Variants in KIAA1217 observed in about 807,000 individuals in gnomAD.
The protein encoded by KIAA1217 is sickle tail protein homolog.
Under a neutral mutation model 163.9 loss-of-function variants are expected in KIAA1217, and 88 were observed. The ratio of observed to expected loss-of-function variants is 0.54; its 90% CI spans 0.45 to 0.64. The LOEUF is 0.64. Among genes scored for constraint, KIAA1217 ranks in the 30% least tolerant of loss-of-function variants. KIAA1217 has a pLI of 0.00. For synonymous variants in KIAA1217, 903 were observed against 923.1 expected, an observed-to-expected ratio of 0.98 and a Z score of 0.39; for missense variants, 2,372 against 2,475.0, an observed-to-expected ratio of 0.96 and a Z score of 0.88.
At position 24,521,262 on chromosome 10, in the gene KIAA1217, G is replaced by A. The variant is rs150547900; in HGVS notation, c.2309-520G>A. ...GGAGAATTACTTGAACCCAGGAGGC[G>A]GAGGTTACAGTAAGCCAAGATCATG... On this transcript the variant is annotated intron_variant, in intron 11 of 20. Transcript: ENST00000376454. Among the ~76,000 whole-genome samples, 703 of 151,664 alleles carry A rather than the reference G, an allele frequency of 4.6e-3. 4 individuals carry two copies. Among genetic ancestry groups the A allele is most frequent in the African/African-American group, 0.015 (636 of 41,322 alleles).
At chr10:24,438,310 T>C in intron 4 of KIAA1217, 76 bp from the exon 5 acceptor site, 2 of 977,908 alleles carry the variant, frequency 2.0e-6, no homozygotes, top group South Asian at 1.3e-5. Flanking sequence ...TTACCTGATC[T>C]TTAAGGGCAG....
chr10:23,992,144 A>C (rs944729165), intron 1 of KIAA1217, among the ~76,000 whole-genome samples: 1 of 152,206 alleles, frequency 6.6e-6, no homozygotes, highest in South Asian at 2.1e-4. Context: ...AGACAACTAG[A>C]GTGCTTTGGA....
At chr10:23,859,955 G>T (rs561969907) in intron 1 of KIAA1217, among the ~76,000 whole-genome samples, 2 of 152,044 alleles carry the variant, frequency 1.3e-5, no homozygotes, top group South Asian at 2.1e-4. Context: ...TTTCAAAGGT[G>T]TATGCACTCC....
chr10:24,061,583 A>T (rs917723674), intron 2 of KIAA1217, among the ~76,000 whole-genome samples: 4 of 152,200 alleles, frequency 2.6e-5, no homozygotes, highest in Non-Finnish European at 4.4e-5. Flanking sequence ...AAGCGGTGAT[A>T]AACTCTCAGC....
chr10:23,805,358 C>T (rs760849301), intron 1 of KIAA1217, among the ~76,000 whole-genome samples: 45 of 152,102 alleles, frequency 3.0e-4, no homozygotes, highest in Admixed American at 2.6e-4. Flanking sequence ...AAAAAGAATA[C>T]GATCATGTCC....
At chr10:24,381,302 A>T (rs1006051977) in intron 3 of KIAA1217, among the ~76,000 whole-genome samples, 8 of 152,188 alleles carry the variant, frequency 5.3e-5, no homozygotes, top group Non-Finnish European at 1.5e-5. Flanking sequence ...TGGGATTAGC[A>T]ATTCAAGCCA....
intron 2 of KIAA1217, among the ~76,000 whole-genome samples, chr10:24,167,998 C>T (rs1589750061): frequency 6.6e-6 from 1 of 152,192 alleles, no homozygotes. Flanking sequence ...GAAAACATCT[C>T]TCATGAGGCC....
intron 5 of KIAA1217, among the ~76,000 whole-genome samples, chr10:24,452,592 G>A (rs1009535512): frequency 6.7e-6 from 1 of 149,368 alleles, no homozygotes; most frequent in Admixed American, 6.7e-5. Flanking sequence ...TGAGGCAGGA[G>A]AATGGGGTGA....
chr10:24,231,970 T>C (rs1164282324), intron 2 of KIAA1217, among the ~76,000 whole-genome samples: 4 of 152,094 alleles, frequency 2.6e-5, no homozygotes, highest in Admixed American at 2.6e-4. Flanking sequence ...ATCTTTGTAT[T>C]CTTAGTAGAG....
rs1000783636 is a variant in KIAA1217, at chr10:23,695,770, G to A, written c.-321+536G>A. ...TGGGGGTTCGGAGTGGGAGGTTTGG[G>A]TCTTCTGAGACGCTCCAGACTCTCC... On this transcript the variant is annotated intron_variant, in intron 1 of 18. Transcript: ENST00000376462. This position sits in a 1 kb window ranked among gnomAD's most constrained non-coding sequence, Gnocchi z 4.9. Among the ~76,000 whole-genome samples the A allele has an allele frequency of 2.6e-4, 39 of 152,216 alleles. No homozygotes were observed. The highest frequency in any genetic ancestry group is 1.0e-4 in the Non-Finnish European group (7 of 68,032).
At chr10:23,815,380 C>G (rs936497813) in intron 1 of KIAA1217, among the ~76,000 whole-genome samples, 3 of 152,070 alleles carry the variant, frequency 2.0e-5, no homozygotes, top group Admixed American at 6.6e-5. Flanking sequence ...CGCGGTGGCT[C>G]ACGCCTGTAA....
chr10:24,538,620 GAA>G (rs2074456541), intron 17 of KIAA1217, among the ~76,000 whole-genome samples: 2 of 71,328 alleles, frequency 2.8e-5, no homozygotes, highest in Non-Finnish European at 5.1e-5. Context: ...AGAGAGGAAG[GAA>G]AAAGAGAGGA....
At chr10:24,251,842 G>C (rs2074575623) in intron 2 of KIAA1217, among the ~76,000 whole-genome samples, 3 of 131,528 alleles carry the variant, frequency 2.3e-5, no homozygotes, top group South Asian at 5.1e-4. Context: ...GTCCAAGTAA[G>C]CTTCTGCATC....
chr10:23,894,051 C>A (rs1379446105), intron 1 of KIAA1217, among the ~76,000 whole-genome samples: 1 of 145,794 alleles, frequency 6.9e-6, no homozygotes, highest in Non-Finnish European at 1.5e-5. Flanking sequence ...TGGGCAAAAG[C>A]TGGAAGCATT....
At chr10:23,968,674 T>A (rs771462387) in intron 1 of KIAA1217, among the ~76,000 whole-genome samples, 2 of 152,202 alleles carry the variant, frequency 1.3e-5, no homozygotes, top group African/African-American at 2.4e-5. Flanking sequence ...CTACTTTTTG[T>A]CTCTGTATAT....
chr10:23,739,967 C>T, intron 1 of KIAA1217, among the ~76,000 whole-genome samples: 1 of 152,070 alleles, frequency 6.6e-6, no homozygotes, highest in East Asian at 1.9e-4. Flanking sequence ...GCCTGGGAAC[C>T]AAAATTGAGT....
intron 2 of KIAA1217, among the ~76,000 whole-genome samples, chr10:24,022,156 A>G (rs1847759202): frequency 6.6e-6 from 1 of 151,732 alleles, no homozygotes; most frequent in South Asian, 2.1e-4. Flanking sequence ...CACTAGAATG[A>G]AAAGACAAGC....
intron 2 of KIAA1217, among the ~76,000 whole-genome samples, chr10:24,095,476 G>T (rs1022770833): frequency 2.0e-5 from 3 of 152,092 alleles, no homozygotes; most frequent in Admixed American, 1.3e-4. Context: ...CCACCCCACT[G>T]AACACACCTT....
chr10:24,403,048 A>C (rs181091609), intron 3 of KIAA1217, among the ~76,000 whole-genome samples: 2 of 152,198 alleles, frequency 1.3e-5, no homozygotes, highest in Non-Finnish European at 2.9e-5. Flanking sequence ...CACACTTAAT[A>C]CAAAAAAAAC....
Sources: allele counts gnomAD v4.1 joint callset (sites outside exome capture counted in the v4.1 genomes callset), GRCh38; gene constraint gnomAD v4.1.1; non-coding constraint Gnocchi (gnomAD v3.1); transcripts MANE v1.5; gene names NCBI Gene and HGNC (gene_info 2026-07-23, HGNC 2026-07-21).